The following SPDYC variants were observed in gnomAD, a reference collection of about 807,000 sequenced individuals.
SPDYC encodes the protein speedy protein C.
A neutral mutation model predicts 33.9 loss-of-function variants in SPDYC; 25 were observed. That is an observed-to-expected ratio of 0.74 (90% CI 0.54 to 1.03). The LOEUF (loss-of-function observed/expected upper bound fraction) is 1.03. Among genes scored for constraint, SPDYC ranks in the 50% least tolerant of loss-of-function variants. The pLI is 0.00. For missense variants in SPDYC, 349 were observed against 382.9 expected, an observed-to-expected ratio of 0.91 and a Z score of 0.74; for synonymous variants, 133 against 140.2, an observed-to-expected ratio of 0.95 and a Z score of 0.36.
exon 4 of SPDYC, chr11:65,172,307 C>G: frequency 6.2e-7 from 1 of 1,614,108 alleles, no homozygotes; most frequent in Non-Finnish European, 8.5e-7. Context: ...AGCGAGTATA[C>G]CCACAGCAGC....
At position 65,172,279 on chromosome 11, in the gene SPDYC, C is replaced by T. The variant is rs375713923; in HGVS notation, c.292C>T (p.Arg98Cys). ...GGCCATGGTGCTGGTCTACTTCCAG[C>T]GCGCCCACCTGAAGCTCAGCGAGTA... is the stretch of plus-strand genomic sequence containing the variant. Residue 98 changes from arginine (R) to cysteine (C), a missense_variant, in exon 4 of 7, where the codon CGC becomes TGC. Coordinates refer to ENST00000377185, the Ensembl canonical transcript of SPDYC. 6 of 1,614,044 alleles carry T rather than the reference C, an allele frequency of 3.7e-6. No individual in the cohort carries two copies. The African/African-American group carries it at 4.0e-5, about 11-fold the overall frequency.
chr11:65,172,406 C>A, intron 4 of SPDYC, 28 bp from the exon 5 acceptor site: 2 of 1,611,158 alleles, frequency 1.2e-6, no homozygotes, highest in Non-Finnish European at 1.7e-6. Flanking sequence ...GTGGCCTCTG[C>A]TCCCTGACCT....
rs748091051 is a variant in SPDYC, at chr11:65,170,297, CG to C, written c.26+39del. The C allele has an allele frequency of 1.2e-5, 18 of 1,557,602 alleles. No individual in the cohort carries two copies. The African/African-American group carries it at 2.4e-4, about 20-fold the overall frequency. On this transcript the variant is annotated intron_variant, in intron 1 of 6. Transcript: ENST00000377185. ...CTGCAGGAGGAGGCTGGGTTGCTTG[CG>C]GGCGCCTAGATGGAGGGGCCCAGAT...
chr11:65,172,259 T>C (rs1290081139), exon 4 of SPDYC: 2 of 1,614,128 alleles, frequency 1.2e-6, no homozygotes, highest in Non-Finnish European at 1.7e-6. Flanking sequence ...CTCCTGGCCA[T>C]GGTGCTGGTC....
chr11:65,170,310 G>T, intron 1 of SPDYC, 49 bp downstream of exon 1: 1 of 1,542,546 alleles, frequency 6.5e-7, no homozygotes. Flanking sequence ...GCGCCTAGAT[G>T]GAGGGGCCCA....
At chr11:65,172,787 G>C (rs754870168) in exon 6 of SPDYC, 1 of 1,613,914 alleles carries the variant, frequency 6.2e-7, no homozygotes, top group Non-Finnish European at 8.5e-7. Context: ...CGCCTTCCCC[G>C]GGGCCCTGGC....
chr11:65,172,371 G>A, intron 4 of SPDYC, 40 bp downstream of exon 4: 1 of 1,614,146 alleles, frequency 6.2e-7, no homozygotes, highest in Non-Finnish European at 8.5e-7. Flanking sequence ...TTTGCTGGAG[G>A]TGTCAGATGG....
At chr11:65,172,081 G>A in intron 3 of SPDYC, 80 bp downstream of exon 3, 1 of 1,524,936 alleles carries the variant, frequency 6.6e-7, no homozygotes, top group Non-Finnish European at 9.1e-7. Context: ...GGTAGGGAGA[G>A]CCACTCACCT....
chr11:65,172,667 C>T lies in SPDYC; in HGVS notation c.517-17C>T. 2 of 1,582,832 alleles carry T rather than the reference C, an allele frequency of 1.3e-6. No homozygotes were observed. The highest frequency in any genetic ancestry group is 8.6e-7 in the Non-Finnish European group (1 of 1,162,244). On this transcript the variant is annotated splice_polypyrimidine_tract_variant and intron_variant, in intron 5 of 6. Transcript: ENST00000377185. ...TGGGGTTCCCACCCCATTTACTGTCCACTCTGCTCCTCCCAGGTCATGGCA... is the reference window on the plus strand; with the variant it reads ...TGGGGTTCCCACCCCATTTACTGTCTACTCTGCTCCTCCCAGGTCATGGCA...
At chr11:65,172,106 C>T in intron 3 of SPDYC, 105 bp downstream of exon 3, 1 of 1,486,828 alleles carries the variant, frequency 6.7e-7, no homozygotes, top group Non-Finnish European at 9.4e-7. Flanking sequence ...TCCTTACCCC[C>T]TCATCTTTGC....
At chr11:65,171,882 G>A in intron 2 of SPDYC, 61 bp from the exon 3 acceptor site, 2 of 1,491,992 alleles carry the variant, frequency 1.3e-6, no homozygotes, top group Non-Finnish European at 1.9e-6. Flanking sequence ...AGCTTCTGAT[G>A]CCACTCTTCT....
Position 65,172,016 on chromosome 11 carries a change from GC to G in SPDYC, c.258+16del, listed in dbSNP as rs1948440638. The G allele has an allele frequency of 1.2e-6, 2 of 1,613,916 alleles. No individual in the cohort carries two copies. The highest frequency in any genetic ancestry group is 4.5e-5 in the East Asian group (2 of 44,868). ...TTTCAGATAAGGTGAGGGAGTACAG[GC>G]TGGGGGTCTCTTGAGGGTCAGGTTG... On this transcript the variant is annotated intron_variant, in intron 3 of 6. Coordinates refer to ENST00000377185, the Ensembl canonical transcript of SPDYC.
chr11:65,173,253 C>A, downstream of SPDYC: 2 of 1,608,708 alleles, frequency 1.2e-6, no homozygotes, highest in Non-Finnish European at 8.5e-7. Context: ...GCCTGCTGGC[C>A]CACTGACTGA....
chr11:65,172,825 G>A, exon 6 of SPDYC: 1 of 1,614,122 alleles, frequency 6.2e-7, no homozygotes, highest in South Asian at 1.1e-5. Flanking sequence ...TTCCCCCTGT[G>A]GTTTGCCCCA....
chr11:65,172,452 G>A, exon 5 of SPDYC: 1 of 1,599,152 alleles, frequency 6.3e-7, no homozygotes, highest in Non-Finnish European at 8.5e-7. Flanking sequence ...CAAACGACAT[G>A]GAGGAGGACC....
chr11:65,170,814 C>A (rs960629931), intron 1 of SPDYC, among the ~76,000 whole-genome samples: 1 of 152,056 alleles, frequency 6.6e-6, no homozygotes, highest in African/African-American at 2.4e-5. Flanking sequence ...ACCCGGGAGG[C>A]GGAGGTTGCA....
At position 65,172,183 on chromosome 11, in the gene SPDYC, C is replaced by A. The variant is rs532683936; in HGVS notation, c.259-63C>A. On this transcript the variant is annotated intron_variant, in intron 3 of 6. Transcript: ENST00000377185. ...CAAAACCTCCCTGGGTGCAAATGAACCTGGGTGCAAGCCCCTCCTCCTCAG... is the reference window on the plus strand; with the variant it reads ...CAAAACCTCCCTGGGTGCAAATGAAACTGGGTGCAAGCCCCTCCTCCTCAG... 6.3e-6 allele frequency: 10 copies of A among 1,594,856 alleles called. No individual in the cohort carries two copies. The East Asian group carries it at 2.2e-4, about 36-fold the overall frequency.
exon 6 of SPDYC, chr11:65,172,718 C>G: frequency 6.2e-7 from 1 of 1,610,938 alleles, no homozygotes; most frequent in South Asian, 1.1e-5. Flanking sequence ...TGGGCTTGGA[C>G]TCGGGACCGG....
exon 1 of SPDYC, chr11:65,170,260 G>T: frequency 3.2e-6 from 5 of 1,581,714 alleles, no homozygotes; most frequent in Non-Finnish European, 3.4e-6. Context: ...TCCTGAGCTC[G>T]GGTAAGGCTC....
Sources: gnomAD v4.1 joint callset for allele counts (sites outside exome capture counted in the v4.1 genomes callset) on GRCh38, gnomAD v4.1.1 for gene constraint, MANE v1.5 for transcripts, NCBI Gene and HGNC (gene_info 2026-07-23, HGNC 2026-07-21) for gene names.